ADGRL3: variants seen among roughly 807,000 people sequenced by gnomAD.
ADGRL3 encodes calcium-independent alpha-latrotoxin receptor 3.
In ADGRL3, 62 loss-of-function variants were observed where a neutral mutation model predicts 153.5. The observed-to-expected ratio is 0.40, with a 90% CI of 0.33 to 0.50. The LOEUF (loss-of-function observed/expected upper bound fraction) is 0.50. ADGRL3 is among the 20% of genes least tolerant of loss of function. The pLI, the probability that ADGRL3 is intolerant of heterozygous loss-of-function variation, is 0.47. For missense variants in ADGRL3, 1,641 were observed against 1,859.4 expected (o/e 0.88, Z 2.16); for synonymous variants, 710 against 672.5 (o/e 1.06, Z -0.86).
intron 25 of ADGRL3, among the ~76,000 whole-genome samples, chr4:62,053,895 A>AT (rs1476971595): frequency 6.6e-6 from 1 of 151,434 alleles, no homozygotes; most frequent in Non-Finnish European, 1.5e-5. Context: ...TAAATGTCAT[A>AT]TTTTTTTCAC....
At chr4:61,323,705 A>T (rs2095410830) in intron 1 of ADGRL3, among the ~76,000 whole-genome samples, 5 of 152,188 alleles carry the variant, frequency 3.3e-5, no homozygotes, top group Admixed American at 3.3e-4. Context: ...TATCACTATC[A>T]GCATTTTTGT....
chr4:61,481,816 A>G (rs1470362306), intron 2 of ADGRL3, among the ~76,000 whole-genome samples: 2 of 152,120 alleles, frequency 1.3e-5, no homozygotes, highest in African/African-American at 4.8e-5. Flanking sequence ...AGAAAAAAGT[A>G]TTTATCTTCT....
intron 8 of ADGRL3, among the ~76,000 whole-genome samples, chr4:61,793,727 C>T (rs2097372210): frequency 6.6e-6 from 1 of 152,042 alleles, no homozygotes. Context: ...CGGATACTTC[C>T]AAAACTCAAA....
chr4:61,419,183 A>T lies in ADGRL3; in HGVS notation c.-174+35994A>T, dbSNP rs1447024487. 1.3e-5 allele frequency among the ~76,000 whole-genome samples: 2 copies of T among 150,808 alleles called. 1 individual carries two copies. Among genetic ancestry groups the T allele is most frequent in the East Asian group, 4.2e-4 (2 of 4,780 alleles). ...ACTGCTATTATAAGTAAATGAAGTG[A>T]TGTATAATGAAACCAATTTTACTAT... On this transcript the variant is annotated intron_variant, in intron 2 of 26. Transcript: ENST00000683033.
chr4:61,235,859 C>T (rs988558576), intron 1 of ADGRL3, among the ~76,000 whole-genome samples: 3 of 151,978 alleles, frequency 2.0e-5, no homozygotes, highest in African/African-American at 7.3e-5. Flanking sequence ...TATCCTGGTC[C>T]CTGTGAAGGT....
chr4:61,975,657 A>G (rs1344133218), intron 17 of ADGRL3, among the ~76,000 whole-genome samples: 1 of 152,122 alleles, frequency 6.6e-6, no homozygotes, highest in Non-Finnish European at 1.5e-5. Flanking sequence ...CAATGTAGGG[A>G]GATCAGTTAA....
At chr4:61,201,876 C>G (rs1415485015) in intron 1 of ADGRL3, 111 bp downstream of exon 1, 2 of 152,648 alleles carry the variant, frequency 1.3e-5, no homozygotes, top group African/African-American at 2.4e-5. Flanking sequence ...CACACTCGCC[C>G]TTCCACTCAC....
At chr4:62,007,428 A>ATATATATACACG (rs2099164849) in intron 21 of ADGRL3, among the ~76,000 whole-genome samples, 1 of 123,328 alleles carries the variant, frequency 8.1e-6, no homozygotes, top group African/African-American at 3.6e-5. Flanking sequence ...ATATACACAT[A>ATATATATACACG]TATATATATA....
At chr4:61,228,348 T>C (rs1560369766) in intron 1 of ADGRL3, among the ~76,000 whole-genome samples, 3 of 152,208 alleles carry the variant, frequency 2.0e-5, no homozygotes, top group African/African-American at 7.2e-5. Flanking sequence ...TAACATTTTA[T>C]TTTTATCCCA....
intron 13 of ADGRL3, among the ~76,000 whole-genome samples, chr4:61,922,388 T>G (rs1431412046): frequency 6.6e-6 from 1 of 152,196 alleles, no homozygotes; most frequent in Non-Finnish European, 1.5e-5. Flanking sequence ...CCCATATACC[T>G]CCCATTGACA....
At chr4:61,853,007 G>A (rs971200876) in intron 9 of ADGRL3, among the ~76,000 whole-genome samples, 1 of 150,280 alleles carries the variant, frequency 6.7e-6, no homozygotes, top group Non-Finnish European at 1.5e-5. Flanking sequence ...TTTTTTGTTG[G>A]TTGGTTGGTT....
At chr4:61,665,281 G>A (rs1685428756) in intron 5 of ADGRL3, among the ~76,000 whole-genome samples, 1 of 152,070 alleles carries the variant, frequency 6.6e-6, no homozygotes, top group Non-Finnish European at 1.5e-5. Flanking sequence ...CATGGTGGCG[G>A]ATATCTGTAG....
chr4:61,934,814 CTG>C (rs755808944), intron 13 of ADGRL3, 24 bp from the exon 14 acceptor site: 10 of 1,598,712 alleles, frequency 6.3e-6, no homozygotes, highest in Non-Finnish European at 7.7e-6. Flanking sequence ...CTAGAGACCT[CTG>C]TCATTCTTTT....
At chr4:61,982,344 C>A (rs2099071319) in intron 18 of ADGRL3, among the ~76,000 whole-genome samples, 1 of 152,160 alleles carries the variant, frequency 6.6e-6, no homozygotes, top group Non-Finnish European at 1.5e-5. Flanking sequence ...TTTCTGCACT[C>A]CACATAGTGT....
chr4:61,757,870 C>A (rs561438457), intron 8 of ADGRL3, among the ~76,000 whole-genome samples: 2 of 152,162 alleles, frequency 1.3e-5, no homozygotes, highest in Non-Finnish European at 2.9e-5. Context: ...GCCTTCATTT[C>A]GTTATGTACC....
intron 25 of ADGRL3, among the ~76,000 whole-genome samples, chr4:62,066,351 A>G (rs530777163): frequency 1.4e-3 from 212 of 152,228 alleles, no homozygotes; most frequent in African/African-American, 4.9e-3. Context: ...CAAGCATAGA[A>G]GCATTCTTTT....
At chr4:61,809,244 G>A (rs80017195) in intron 8 of ADGRL3, among the ~76,000 whole-genome samples, 16,062 of 152,048 alleles carry the variant, frequency 0.11, 917 homozygotes, top group Middle Eastern at 0.15. Context: ...GTAAAATGTG[G>A]TTTTACTTAA....
intron 1 of ADGRL3, among the ~76,000 whole-genome samples, chr4:61,326,789 A>G (rs2095475105): frequency 6.6e-6 from 1 of 151,990 alleles, no homozygotes; most frequent in African/African-American, 2.4e-5. Context: ...TTAAAATTGA[A>G]CTATGCATCT....
intron 2 of ADGRL3, among the ~76,000 whole-genome samples, chr4:61,484,300 TA>T (rs1042211194): frequency 1.3e-5 from 2 of 152,166 alleles, no homozygotes; most frequent in South Asian, 4.1e-4. Flanking sequence ...GACTACCAAT[TA>T]AAACCCTAAA....
Sources: gnomAD v4.1 joint callset for allele counts (sites outside exome capture counted in the v4.1 genomes callset) on GRCh38, gnomAD v4.1.1 for gene constraint, MANE v1.5 for transcripts, NCBI Gene and HGNC (gene_info 2026-07-23, HGNC 2026-07-21) for gene names.